The following TCF7L1 variants were observed in gnomAD, a reference collection of about 807,000 sequenced individuals.
TCF7L1 encodes the protein transcription factor 7-like 1.
In TCF7L1, 18 loss-of-function variants were observed where a neutral mutation model predicts 63.7. The observed-to-expected ratio is 0.28, with a 90% CI of 0.20 to 0.42. The LOEUF is 0.42. Among genes scored for constraint, TCF7L1 ranks in the 10% least tolerant of loss-of-function variants. The pLI is 1.00. For synonymous variants in TCF7L1, 355 were observed against 340.9 expected, an observed-to-expected ratio of 1.04 and a Z score of -0.46; for missense variants, 654 against 779.3, an observed-to-expected ratio of 0.84 and a Z score of 1.91.
At chr2:85,283,671 G>A in intron 4 of TCF7L1, 93 bp downstream of exon 4, 2 of 1,332,136 alleles carry the variant, frequency 1.5e-6, no homozygotes, top group Non-Finnish European at 2.2e-6. Flanking sequence ...AGCAGATGGG[G>A]TCCAACAGTG....
intron 3 of TCF7L1, among the ~76,000 whole-genome samples, chr2:85,246,780 C>T (rs954034962): frequency 6.6e-6 from 1 of 152,136 alleles, no homozygotes; most frequent in African/African-American, 2.4e-5. Flanking sequence ...TTTCTTATCT[C>T]ATGAAATCAT....
At chr2:85,160,483 C>T (rs1404195294) in intron 3 of TCF7L1, among the ~76,000 whole-genome samples, 1 of 152,130 alleles carries the variant, frequency 6.6e-6, no homozygotes, top group Non-Finnish European at 1.5e-5. Context: ...CCTCAGCCTC[C>T]CAAAGTGCCG....
intron 3 of TCF7L1, chr2:85,262,331 G>C (rs1252254268): frequency 3.7e-6 from 2 of 536,212 alleles, no homozygotes; most frequent in Admixed American, 2.0e-5. Context: ...ATTTCACAAA[G>C]AGCACACCCG....
chr2:85,215,281 G>A (rs560027054), intron 3 of TCF7L1, among the ~76,000 whole-genome samples: 28 of 152,340 alleles, frequency 1.8e-4, no homozygotes, highest in Admixed American at 3.3e-4. Context: ...TGGTGAGTCC[G>A]TAGCAGGTGA....
chr2:85,150,337 C>T lies in TCF7L1; in HGVS notation c.441+15887C>T, dbSNP rs369593114. Among the ~76,000 whole-genome samples, 19 of 152,002 alleles carry T rather than the reference C, an allele frequency of 1.2e-4. 1 individual carries two copies. Among genetic ancestry groups the T allele is most frequent in the South Asian group, 4.2e-4 (2 of 4,800 alleles). On this transcript the variant is annotated intron_variant, in intron 3 of 11. Transcript: ENST00000282111. ...CAACCTCCACCTCCCGGGTTCACGC[C>T]GTTCTCCTGCCTCAGCCTCCTGAGT...
intron 3 of TCF7L1, among the ~76,000 whole-genome samples, chr2:85,155,935 TTTCAAG>T (rs1328748096): frequency 6.6e-6 from 1 of 152,160 alleles, no homozygotes; most frequent in Non-Finnish European, 1.5e-5. Flanking sequence ...CCAGCTTGGT[TTTCAAG>T]TTCAAGTTTG....
chr2:85,184,400 A>C (rs1572980997), intron 3 of TCF7L1, among the ~76,000 whole-genome samples: 1 of 152,094 alleles, frequency 6.6e-6, no homozygotes, highest in Non-Finnish European at 1.5e-5. Flanking sequence ...AGATTGTGGG[A>C]CCTTCCGTGG....
At chr2:85,295,817 G>A (rs1369126244) in intron 4 of TCF7L1, among the ~76,000 whole-genome samples, 1 of 111,450 alleles carries the variant, frequency 9.0e-6, no homozygotes, top group East Asian at 2.9e-4. Context: ...TCGTTCTGTC[G>A]CCCAGGCTGG....
intron 3 of TCF7L1, among the ~76,000 whole-genome samples, chr2:85,144,900 A>G (rs1677842684): frequency 6.6e-6 from 1 of 151,884 alleles, no homozygotes; most frequent in Non-Finnish European, 1.5e-5. Context: ...CTTGGCCACC[A>G]TGGTGAAACC....
At chr2:85,273,326 C>T (rs191115410) in intron 3 of TCF7L1, among the ~76,000 whole-genome samples, 199 of 152,344 alleles carry the variant, frequency 1.3e-3, no homozygotes, top group African/African-American at 4.6e-3. Flanking sequence ...TTCGTCCTCC[C>T]CCATCCCCGC....
chr2:85,262,359 C>A, intron 3 of TCF7L1: 22 of 417,180 alleles, frequency 5.3e-5, no homozygotes, highest in South Asian at 1.5e-4. Context: ...CCTCTGAGAG[C>A]AACTTCCAGA....
At chr2:85,281,986 CTTCT>C (rs1372608720) in intron 3 of TCF7L1, among the ~76,000 whole-genome samples, 1 of 137,810 alleles carries the variant, frequency 7.3e-6, no homozygotes, top group Non-Finnish European at 1.5e-5. Context: ...GATTCAAAGG[CTTCT>C]TTTTTTTTCT....
intron 3 of TCF7L1, among the ~76,000 whole-genome samples, chr2:85,199,399 G>A (rs1254283689): frequency 6.6e-6 from 1 of 152,154 alleles, no homozygotes; most frequent in African/African-American, 2.4e-5. Flanking sequence ...TTAAAATTTT[G>A]TTTGTCTCAT....
chr2:85,283,274 C>CCCCA (rs1558655735), intron 3 of TCF7L1, among the ~76,000 whole-genome samples: 3 of 138,808 alleles, frequency 2.2e-5, no homozygotes, highest in African/African-American at 7.6e-5. Flanking sequence ...GTCCCCCCCC[C>CCCCA]CAAAATGACA....
intron 3 of TCF7L1, among the ~76,000 whole-genome samples, chr2:85,182,546 T>C (rs1431892094): frequency 6.6e-6 from 1 of 152,158 alleles, no homozygotes; most frequent in African/African-American, 2.4e-5. Context: ...AAGATAACCC[T>C]GGTTCTCTGC....
chr2:85,247,684 G>A (rs751518777), intron 3 of TCF7L1, among the ~76,000 whole-genome samples: 8 of 152,314 alleles, frequency 5.3e-5, no homozygotes, highest in East Asian at 1.9e-4. Context: ...GTAAGGTTGC[G>A]CGGGTGTCCT....
chr2:85,169,362 CT>C (rs1189458249), intron 3 of TCF7L1, among the ~76,000 whole-genome samples: 451 of 142,160 alleles, frequency 3.2e-3, no homozygotes, highest in Middle Eastern at 7.2e-3. Context: ...TTCTTTCTTT[CT>C]TTTTTTTTTT....
chr2:85,165,292 G>A (rs551365915), intron 3 of TCF7L1, among the ~76,000 whole-genome samples: 29 of 152,342 alleles, frequency 1.9e-4, no homozygotes, highest in African/African-American at 6.3e-4. Flanking sequence ...ACACATGTGC[G>A]CCTGTGTAGA....
intron 4 of TCF7L1, among the ~76,000 whole-genome samples, chr2:85,285,408 G>A (rs1213690454): frequency 1.3e-5 from 2 of 152,172 alleles, no homozygotes; most frequent in African/African-American, 4.8e-5. Flanking sequence ...TCTACAGTGG[G>A]ATGCCACATG....
Sources: allele counts gnomAD v4.1 joint callset (sites outside exome capture counted in the v4.1 genomes callset), GRCh38; gene constraint gnomAD v4.1.1; transcripts MANE v1.5; gene names NCBI Gene and HGNC (gene_info 2026-07-23, HGNC 2026-07-21).